The following NAT1 variants were observed in gnomAD, a reference collection of about 807,000 sequenced individuals.
The protein encoded by NAT1 is arylamine N-acetyltransferase 1.
For missense variants in NAT1, 400 were observed against 339.2 expected (o/e 1.18, Z -1.41); for synonymous variants, 144 against 122.6 (o/e 1.17, Z -1.16).
intron 2 of NAT1, among the ~76,000 whole-genome samples, chr8:18,179,002 CCTT>C (rs1780269947): frequency 6.6e-6 from 1 of 152,142 alleles, no homozygotes; most frequent in African/African-American, 2.4e-5. Context: ...TTCAACTTGT[CCTT>C]CTTGTTCCTG....
intron 2 of NAT1, among the ~76,000 whole-genome samples, chr8:18,199,427 T>C (rs1314392869): frequency 1.3e-5 from 2 of 152,092 alleles, no homozygotes; most frequent in Non-Finnish European, 2.9e-5. Flanking sequence ...CTTCCTTCCT[T>C]TTGCCATCTT....
At chr8:18,188,994 C>CAAAAAAAAAAAAAAAAA (rs55636901) in intron 2 of NAT1, among the ~76,000 whole-genome samples, 18 of 83,022 alleles carry the variant, frequency 2.2e-4, no homozygotes, top group Non-Finnish European at 2.4e-4. Context: ...GACTCCGACT[C>CAAAAAAAAAAAAAAAAA]AAAAAAAAAA....
At chr8:18,192,382 A>C (rs946814416) in intron 2 of NAT1, among the ~76,000 whole-genome samples, 6 of 152,322 alleles carry the variant, frequency 3.9e-5, no homozygotes, top group Non-Finnish European at 7.3e-5. Context: ...ACACTTTTCC[A>C]CTGTTGGTGG....
chr8:18,174,025 T>G (rs776782308), intron 2 of NAT1, among the ~76,000 whole-genome samples: 3 of 152,152 alleles, frequency 2.0e-5, no homozygotes, highest in Non-Finnish European at 2.9e-5. Context: ...AGCTTGTTGA[T>G]GTGTGTGTGA....
chr8:18,184,114 C>G (rs1050949599), intron 2 of NAT1, among the ~76,000 whole-genome samples: 2 of 152,172 alleles, frequency 1.3e-5, no homozygotes, highest in Non-Finnish European at 2.9e-5. Flanking sequence ...GGTGGCCCCA[C>G]CCCTGTGACA....
intron 2 of NAT1, among the ~76,000 whole-genome samples, chr8:18,203,817 G>A (rs1436714642): frequency 6.6e-6 from 1 of 152,168 alleles, no homozygotes; most frequent in Non-Finnish European, 1.5e-5. Flanking sequence ...TTAGTGAAAA[G>A]CAGCCCCAAA....
chr8:18,220,442 AAG>A (rs1200514425), intron 2 of NAT1, among the ~76,000 whole-genome samples: 2 of 152,210 alleles, frequency 1.3e-5, no homozygotes, highest in African/African-American at 4.8e-5. Flanking sequence ...CCACATACAA[AAG>A]AGTTATACCT....
chr8:18,173,722 T>C (rs1802184899), intron 2 of NAT1, among the ~76,000 whole-genome samples: 1 of 152,152 alleles, frequency 6.6e-6, no homozygotes, highest in Non-Finnish European at 1.5e-5. Flanking sequence ...CCTCATAGAT[T>C]TGTTGTGATT....
chr8:18,176,450 T>C (rs772767200), intron 2 of NAT1, among the ~76,000 whole-genome samples: 1 of 152,156 alleles, frequency 6.6e-6, no homozygotes, highest in African/African-American at 2.4e-5. Context: ...ATGCCATTTA[T>C]TAAAATGACT....
At chr8:18,191,364 T>G (rs1802983437) in intron 2 of NAT1, among the ~76,000 whole-genome samples, 1 of 152,234 alleles carries the variant, frequency 6.6e-6, no homozygotes, top group South Asian at 2.1e-4. Flanking sequence ...TATAAAAACT[T>G]TTATGTATAC....
In NAT1 at chr8:18,222,284, G is replaced by C. The variant is rs751824544; in HGVS notation, c.237G>C (p.Leu79=). ...LQVNHLLYWA[L]TTIGFETTML... is the part of the protein sequence containing the mutation. ...TCAATCATCTTCTGTACTGGGCTCT[G>C]ACCACTATTGGTTTTGAGACCACGA... The change falls in exon 3 of 3, where the codon CTG becomes CTC. Residue 79 remains leucine (L), a synonymous_variant. Coordinates refer to ENST00000307719, the MANE Select transcript of NAT1 (RefSeq NM_000662.8). The C allele has an allele frequency of 6.2e-6, 10 of 1,613,968 alleles. No homozygotes were observed. In the African/African-American group the frequency reaches 1.2e-4, roughly 19 times the overall value.
chr8:18,205,106 G>A (rs1001513115), intron 2 of NAT1, among the ~76,000 whole-genome samples: 7 of 152,176 alleles, frequency 4.6e-5, no homozygotes, highest in African/African-American at 7.2e-5. Context: ...GATGGGTGGT[G>A]TCGGCCAAAG....
intron 1 of NAT1, among the ~76,000 whole-genome samples, chr8:18,213,427 G>C (rs1434622814): frequency 6.6e-6 from 1 of 152,044 alleles, no homozygotes; most frequent in African/African-American, 2.4e-5. Flanking sequence ...CGGGCCATCA[G>C]ACTGGGTGAC....
At chr8:18,210,252 G>T in intron 1 of NAT1, 72 bp downstream of exon 1, 1 of 152,064 alleles carries the variant, frequency 6.6e-6, no homozygotes, top group East Asian at 1.9e-4. Context: ...CAGGAGAGTA[G>T]GTTCTACACG....
rs192914109 is a variant in NAT1 at position 18,188,757 on chromosome 8, G to T, written n.92+18018G>T. ...TCATACCTGTAATCTCAGCACCTGG[G>T]AGGCTGAGGCGGGTGGATCATGAGG... is the stretch of plus-strand genomic sequence containing the variant. On this transcript the variant is annotated intron_variant and non_coding_transcript_variant, in intron 2 of 4. Transcript: ENST00000517441. Among the ~76,000 whole-genome samples the T allele has an allele frequency of 1.2e-4, 18 of 151,942 alleles. 1 individual carries two copies. The highest frequency in any genetic ancestry group is 3.9e-4 in the African/African-American group (16 of 41,470).
At chr8:18,173,906 A>G (rs951471586) in intron 2 of NAT1, among the ~76,000 whole-genome samples, 1 of 151,036 alleles carries the variant, frequency 6.6e-6, no homozygotes, top group Admixed American at 6.6e-5. Context: ...TTTCATTGCA[A>G]TTACTTAAAG....
Position 18,220,578 on chromosome 8 carries a change from A to G in NAT1, c.-7+1089A>G, listed in dbSNP as rs73575712. Among the ~76,000 whole-genome samples, 1,297 of 152,248 alleles carry G rather than the reference A, an allele frequency of 8.5e-3. 11 individuals are homozygous for G. The highest frequency in any genetic ancestry group is 0.03 in the African/African-American group (1,247 of 41,552). On this transcript the variant is annotated intron_variant, in intron 2 of 2. Coordinates refer to ENST00000307719, the MANE Select transcript of NAT1 (RefSeq NM_000662.8). ...GGGCATTTATTTTTTTTTGGTTCAC[A>G]TTACCTGAAAGTTAAAAGATAGCTT...
intron 2 of NAT1, among the ~76,000 whole-genome samples, chr8:18,174,159 A>T (rs1276483964): frequency 6.6e-6 from 1 of 152,282 alleles, no homozygotes; most frequent in East Asian, 1.9e-4. Context: ...ATTGCTATCA[A>T]TATCTGAGCA....
intron 2 of NAT1, among the ~76,000 whole-genome samples, chr8:18,190,407 C>A (rs549873804): frequency 6.6e-6 from 1 of 152,216 alleles, no homozygotes; most frequent in Non-Finnish European, 1.5e-5. Context: ...TAAATTGTGG[C>A]CACACACAGT....
Sources: allele counts gnomAD v4.1 joint callset (sites outside exome capture counted in the v4.1 genomes callset), GRCh38; gene constraint gnomAD v4.1.1; transcripts MANE v1.5; gene names NCBI Gene and HGNC (gene_info 2026-07-23, HGNC 2026-07-21).